The following MRPS17 variants were observed in gnomAD, a reference collection of about 807,000 sequenced individuals.
MRPS17 encodes mitochondrial ribosomal protein S17.
Under a neutral mutation model 11.3 loss-of-function variants are expected in MRPS17, and 6 were observed. The observed-to-expected ratio is 0.53, with a 90% confidence interval of 0.29 to 1.05. The LOEUF is 1.05. Among genes scored for constraint, MRPS17 ranks in the 50% least tolerant of loss-of-function variants. The pLI is 0.08. For synonymous variants in MRPS17, 56 were observed against 60.4 expected, an observed-to-expected ratio of 0.93 and a Z score of 0.34; for missense variants, 139 against 153.6, an observed-to-expected ratio of 0.90 and a Z score of 0.50.
chr7:55,956,000 A>G lies in MRPS17; in HGVS notation c.*822A>G, dbSNP rs927331203. 31 of 150,266 alleles carry G rather than the reference A, an allele frequency of 2.1e-4. No homozygotes were observed. Among genetic ancestry groups the G allele is most frequent in the African/African-American group, 6.4e-4 (26 of 40,720 alleles). The allele number at this position is 150,266 out of a possible 1,614,324, so 9.3% of individuals were successfully genotyped here. A position where few individuals can be genotyped will look rare whatever the true frequency, so the allele number is the denominator to read the frequency against. On this transcript the variant is annotated 3_prime_UTR_variant, in exon 3 of 3. Transcript: ENST00000285298. Reference sequence around the variant, plus strand: ...GGTTGGTCTCGGACTCCTGGGAGCAATCTGCCCATCTTGGCCTAACAGTGC... The same window carrying G: ...GGTTGGTCTCGGACTCCTGGGAGCAGTCTGCCCATCTTGGCCTAACAGTGC...
intron 2 of MRPS17, among the ~76,000 whole-genome samples, chr7:55,954,639 A>G (rs867519768): frequency 6.6e-6 from 1 of 152,202 alleles, no homozygotes; most frequent in South Asian, 2.1e-4. Flanking sequence ...AGGCTGAGGC[A>G]GGAGAATCTC....
chr7:55,953,417 C>T lies in MRPS17; in HGVS notation c.123+99C>T, dbSNP rs144443723. The T allele has an allele frequency of 6.5e-3, 9,819 of 1,512,092 alleles. 77 individuals carry two copies. Among genetic ancestry groups the T allele is most frequent in the Middle Eastern group, 0.032 (129 of 4,078 alleles). 93.7% of individuals were successfully genotyped at this position (1,512,092 alleles called of 1,614,324 possible). ...TTATCTCTCAGTAAAGATGTCTTGT[C>T]TCTCATCTGCTTTGAGCCAGGCATT... On this transcript the variant is annotated intron_variant, in intron 2 of 2. Coordinates refer to ENST00000285298, the MANE Select transcript of MRPS17 (RefSeq NM_015969.3).
At chr7:55,953,054 T>G in intron 1 of MRPS17, 125 bp from the exon 2 acceptor site, 1 of 1,074,194 alleles carries the variant, frequency 9.3e-7, no homozygotes, top group Non-Finnish European at 1.4e-6. Context: ...ACAAAACTGT[T>G]TCTGGGTGGA....
intron 2 of MRPS17, among the ~76,000 whole-genome samples, chr7:55,953,895 G>T (rs568123961): frequency 7.9e-5 from 12 of 152,264 alleles, no homozygotes; most frequent in African/African-American, 2.2e-4. Flanking sequence ...GAGGTGGAGC[G>T]CAGGCGGTAA....
chr7:55,953,114 C>G, intron 1 of MRPS17, 65 bp from the exon 2 acceptor site: 1 of 1,576,466 alleles, frequency 6.3e-7, no homozygotes, highest in African/African-American at 1.4e-5. Flanking sequence ...CTGGACAGTT[C>G]TTGTGACAAA....
chr7:55,955,309 T>G lies in MRPS17; in HGVS notation c.*131T>G. On this transcript the variant is annotated 3_prime_UTR_variant, in exon 3 of 3. Transcript: ENST00000285298. ...TGTTTATGAAATAGCTAAAAGCAAA[T>G]GAAGTAAAGGGCATACTATGGTTTT... The G allele has an allele frequency of 1.8e-6, 2 of 1,135,736 alleles. No individual in the cohort carries two copies. The highest frequency in any genetic ancestry group is 1.6e-5 in the South Asian group (1 of 62,054). The allele number at this position is 1,135,736 out of a possible 1,614,324, so 70.4% of individuals were successfully genotyped here.
intron 2 of MRPS17, among the ~76,000 whole-genome samples, chr7:55,953,783 T>C (rs1320161629): frequency 3.3e-5 from 5 of 150,674 alleles, no homozygotes; most frequent in African/African-American, 1.2e-4. Flanking sequence ...AATTGTACCA[T>C]TGCACTCCAT....
intron 2 of MRPS17, among the ~76,000 whole-genome samples, chr7:55,954,537 G>A (rs540333148): frequency 1.3e-5 from 2 of 152,176 alleles, no homozygotes; most frequent in Non-Finnish European, 2.9e-5. Flanking sequence ...GGACCAGCCT[G>A]GCCAACATGG....
chr7:55,955,540 TCTC>T lies in MRPS17; in HGVS notation c.*365_*367del, dbSNP rs1337977293. 2.1e-4 allele frequency: 38 copies of T among 177,582 alleles called. No homozygotes were observed. Among genetic ancestry groups the T allele is most frequent in the Middle Eastern group, 5.3e-3 (2 of 380 alleles). The allele number at this position is 177,582 out of a possible 1,614,324, so 11.0% of individuals were successfully genotyped here. A position where few individuals can be genotyped will look rare whatever the true frequency, so the allele number is the denominator to read the frequency against. ...GCTCCGCCTCCCGGGTTCACGCCGT[TCTC>T]CTGCCTCAGCCTCCCGAGTAGCTGG... is the stretch of plus-strand genomic sequence containing the variant. On this transcript the variant is annotated 3_prime_UTR_variant, in exon 3 of 3. Transcript: ENST00000285298.
Position 55,955,096 on chromosome 7 carries a change from C to T in MRPS17, c.311C>T (p.Thr104Ile). ...PVTGKPCAGT[T>I]YLESPLSSET... The stretch of plus-strand genomic sequence containing the variant: ...ACAGGAAAGCCCTGTGCTGGAACTA[C>T]CTACCTGGAGAGTCCGTTGAGTTCG... Residue 104 changes from threonine (T) to isoleucine (I), a missense_variant, in exon 3 of 3, where the codon ACC becomes ATC. Coordinates refer to ENST00000285298, the MANE Select transcript of MRPS17 (RefSeq NM_015969.3). 1 of 1,614,148 alleles carries T rather than the reference C, an allele frequency of 6.2e-7. No individual in the cohort carries two copies. Among genetic ancestry groups the T allele is most frequent in the Non-Finnish European group, 8.5e-7 (1 of 1,180,042 alleles).
In MRPS17 at chr7:55,953,190, C is replaced by A; in HGVS notation, c.-6C>A. ...AATTTGCTTTTCAGGTGACCAAAGC[C>A]ACGTAATGTCCGTAGTTCGCTCATC... On this transcript the variant is annotated 5_prime_UTR_variant, in exon 2 of 3. Coordinates refer to ENST00000285298, the MANE Select transcript of MRPS17 (RefSeq NM_015969.3). 6.2e-7 allele frequency: 1 copy of A among 1,613,668 alleles called. No individual in the cohort carries two copies. Among genetic ancestry groups the A allele is most frequent in the Non-Finnish European group, 8.5e-7 (1 of 1,179,942 alleles).
intron 1 of MRPS17, chr7:55,952,363 C>A (rs532407526): frequency 6.6e-6 from 1 of 152,370 alleles, no homozygotes; most frequent in South Asian, 2.1e-4. Context: ...TGAGGCTTGG[C>A]GAAGTTAAAG....
chr7:55,952,971 G>T (rs1786667200), intron 1 of MRPS17, among the ~76,000 whole-genome samples: 1 of 152,072 alleles, frequency 6.6e-6, no homozygotes, highest in African/African-American at 2.4e-5. Context: ...GGCGGCGTTT[G>T]CAGTGAGCCA....
At chr7:55,952,903 G>C (rs1284419007) in intron 1 of MRPS17, among the ~76,000 whole-genome samples, 2 of 151,532 alleles carry the variant, frequency 1.3e-5, no homozygotes, top group East Asian at 3.9e-4. Flanking sequence ...GTTGTGGCGG[G>C]CGCCTGTAGT....
intron 2 of MRPS17, among the ~76,000 whole-genome samples, chr7:55,953,800 C>G (rs962994283): frequency 1.4e-5 from 2 of 138,276 alleles, no homozygotes; most frequent in Non-Finnish European, 3.1e-5. Context: ...CCATCCTGGA[C>G]AAGAGCAAAA....
Position 55,953,239 on chromosome 7 carries a change from G to A in MRPS17, c.44G>A (p.Gly15Glu). The change falls in exon 2 of 3, where the codon GGG (glycine) becomes GAG (glutamate). Residue 15 changes from glycine to glutamate, a missense_variant. By Grantham distance (98) the Gly-to-Glu change is moderately conservative (BLOSUM62 -2). Transcript: ENST00000285298. ...TCCGTCCATGCCAGATGGATTGTGG[G>A]GAAGGTGATTGGGACAAAAATGCAA... ...RSSVHARWIV[G>E]KVIGTKMQKT... 1.9e-6 allele frequency: 3 copies of A among 1,614,180 alleles called. No individual in the cohort carries two copies. The highest frequency in any genetic ancestry group is 2.5e-6 in the Non-Finnish European group (3 of 1,180,028).
chr7:55,954,781 G>T, intron 2 of MRPS17, 128 bp from the exon 3 acceptor site: 1 of 1,135,208 alleles, frequency 8.8e-7, no homozygotes, highest in Admixed American at 2.3e-5. Flanking sequence ...TGTACTAGAA[G>T]CCTCCTTAGT....
At chr7:55,952,919 C>G (rs1786665730) in intron 1 of MRPS17, among the ~76,000 whole-genome samples, 1 of 151,708 alleles carries the variant, frequency 6.6e-6, no homozygotes, top group Non-Finnish European at 1.5e-5. Flanking sequence ...GTAGTCCCAG[C>G]TGCTCGGGAG....
intron 1 of MRPS17, chr7:55,952,325 G>A (rs1786649214): frequency 6.6e-6 from 1 of 152,362 alleles, no homozygotes; most frequent in Non-Finnish European, 1.5e-5. Context: ...CTGCGAAATA[G>A]GCCTGCCCAT....
Sources: allele counts gnomAD v4.1 joint callset (sites outside exome capture counted in the v4.1 genomes callset), GRCh38; gene constraint gnomAD v4.1.1; transcripts MANE v1.5; gene names NCBI Gene and HGNC (gene_info 2026-07-23, HGNC 2026-07-21).